Variants in ACY1 observed in about 807,000 individuals in gnomAD.
ACY1 encodes the protein aminoacylase 1, also known as aminoacylase-1.
A neutral mutation model predicts 53.3 loss-of-function variants in ACY1; 38 were observed. The ratio of observed to expected loss-of-function variants is 0.71; its 90% confidence interval spans 0.55 to 0.93. The LOEUF (loss-of-function observed/expected upper bound fraction) is 0.93. Ranked by LOEUF, ACY1 falls within the 40% of genes least tolerant of loss-of-function variation. The pLI is 0.00. For missense variants in ACY1, 484 were observed against 540.9 expected, an observed-to-expected ratio of 0.89 and a Z score of 1.04; for synonymous variants, 177 against 202.1, an observed-to-expected ratio of 0.88 and a Z score of 1.05.
At chr3:51,986,107 A>G (rs1701046738) in intron 5 of ACY1, 148 bp from the exon 6 acceptor site, 7 of 1,080,238 alleles carry the variant, frequency 6.5e-6, no homozygotes, top group Non-Finnish European at 9.7e-6. Context: ...GGAGATTCAG[A>G]CCAGAGAGGG....
At chr3:51,985,172 G>A in intron 2 of ACY1, 35 bp from the exon 3 acceptor site, 1 of 1,582,264 alleles carries the variant, frequency 6.3e-7, no homozygotes, top group African/African-American at 1.3e-5. Context: ...GCTGTGGGTA[G>A]GCAGAAGCAG....
Position 51,988,535 on chromosome 3 carries a change from C to T in ACY1, c.933C>T (p.His311=), listed in dbSNP as rs199526655. Residue 311 remains histidine, a synonymous_variant, in exon 13 of 15, where the codon CAC becomes CAT. Transcript: ENST00000636358. ...VTLEFAQKWM[H]PQVTPTDDSN... is the part of the protein sequence containing the mutation. ...TTCCTGTCCCTCAGAAGTGGATGCA[C>T]CCCCAAGTGACACCTACTGATGACT... 6.2e-7 allele frequency: 1 copy of T among 1,614,058 alleles called. No individual in the cohort carries two copies. The highest frequency in any genetic ancestry group is 8.5e-7 in the Non-Finnish European group (1 of 1,179,954).
chr3:51,986,452 C>T lies in ACY1; in HGVS notation c.474C>T (p.Phe158=), dbSNP rs745793135. ...GGGGTCACCAAGGCATGGAGCTGTTCGTGCAGCGGCCTGAGTTCCACGCCC... is the reference window on the plus strand; with the variant it reads ...GGGGTCACCAAGGCATGGAGCTGTTTGTGCAGCGGCCTGAGTTCCACGCCC... ...EVGGHQGMEL[F]VQRPEFHALR... The change falls in exon 7 of 15, where the codon TTC becomes TTT. Residue 158 remains phenylalanine, a synonymous_variant. Coordinates refer to ENST00000636358, the MANE Select transcript of ACY1 (RefSeq NM_000666.3). 6.2e-6 allele frequency: 10 copies of T among 1,613,182 alleles called. No individual in the cohort carries two copies. The highest frequency in any genetic ancestry group is 1.7e-4 in the Middle Eastern group (1 of 6,022).
Position 51,985,366 on chromosome 3 carries a change from A to G in ACY1, c.165A>G (p.Ala55=). 6.2e-7 allele frequency: 1 copy of G among 1,614,100 alleles called. No individual in the cohort carries two copies. The highest frequency in any genetic ancestry group is 8.5e-7 in the Non-Finnish European group (1 of 1,179,998). ...ACCCTCCTGACCATCTCCAGGTGGC[A>G]CCTGGCTATGTGGTGACCGTGTTGA... The part of the protein sequence containing the change: ...LGLGCQKVEV[A]PGYVVTVLTW... The change falls in exon 4 of 15, where the codon GCA becomes GCG. Residue 55 remains alanine, a synonymous_variant. Transcript: ENST00000636358.
intron 1 of ACY1, 149 bp downstream of exon 1, chr3:51,983,738 G>T (rs1004137788): frequency 4.3e-6 from 2 of 461,358 alleles, no homozygotes; most frequent in Non-Finnish European, 7.9e-6. Context: ...ACAAGTCTGG[G>T]TTCAAACCTT....
chr3:51,986,295 CG>C lies in ACY1; in HGVS notation c.402del (p.Phe135SerfsTer7). 1 of 1,523,998 alleles carries C rather than the reference CG, an allele frequency of 6.6e-7. No individual in the cohort carries two copies. The highest frequency in any genetic ancestry group is 2.7e-5 in the East Asian group (1 of 36,644). 94.4% of individuals were successfully genotyped at this position (1,523,998 alleles called of 1,614,324 possible). ...AVRRLKVEGH[R>X]FPRTIHMTFV... is the part of the protein sequence containing the mutation. ...GAGGAGGCTGAAGGTGGAGGGCCAC[CG>C]GTTCCCCAGAACCATCCACATGACC... On this transcript the variant is annotated frameshift_variant, in exon 6 of 15. Transcript: ENST00000636358. LOFTEE classifies it high-confidence loss of function.
rs202206383 is a variant in ACY1, at chr3:51,985,385, G to T, written c.184G>T (p.Val62Leu). The change falls in exon 4 of 15, where the codon GTG becomes TTG. Residue 62 changes from valine to leucine, a missense_variant. Physicochemically the swap from Val to Leu is conservative, Grantham distance 32 (BLOSUM62 1). Transcript: ENST00000636358. ...VEVAPGYVVT[V>L]LTWPGTNPTL... ...GGTGGCACCTGGCTATGTGGTGACC[G>T]TGTTGACCTGGCCAGGCACCAACCC... 1 of 1,614,098 alleles carries T rather than the reference G, an allele frequency of 6.2e-7. No individual in the cohort carries two copies. The highest frequency in any genetic ancestry group is 1.1e-5 in the South Asian group (1 of 91,074).
Position 51,984,117 on chromosome 3 carries a change from A to G in ACY1, c.53A>G (p.Gln18Arg). 2 of 1,613,990 alleles carry G rather than the reference A, an allele frequency of 1.2e-6. No individual in the cohort carries two copies. Among genetic ancestry groups the G allele is most frequent in the Non-Finnish European group, 1.7e-6 (2 of 1,180,040 alleles). The change falls in exon 2 of 15, where the codon CAG becomes CGG. Residue 18 changes from glutamine (Q) to arginine (R), a missense_variant. Gln to Arg is a conservative substitution (Grantham distance 43). Transcript: ENST00000636358. Reference sequence around the variant, plus strand: ...CACCCATCGGTGACGCTCTTCCGCCAGTACCTGCGTATCCGCACTGTCCAG... The same window carrying G: ...CACCCATCGGTGACGCTCTTCCGCCGGTACCTGCGTATCCGCACTGTCCAG... Reference protein sequence around the residue: ...EEHPSVTLFRQYLRIRTVQPK... With the variant: ...EEHPSVTLFRRYLRIRTVQPK...
intron 2 of ACY1, 36 bp from the exon 3 acceptor site, chr3:51,985,171 A>G (rs1448228725): frequency 6.3e-7 from 1 of 1,581,158 alleles, no homozygotes; most frequent in African/African-American, 1.3e-5. Context: ...AGCTGTGGGT[A>G]GGCAGAAGCA....
chr3:51,988,547 AC>A lies in ACY1; in HGVS notation c.947del (p.Pro316LeufsTer19), dbSNP rs1356694011. The A allele has an allele frequency of 6.2e-7, 1 of 1,613,962 alleles. No homozygotes were observed. The highest frequency in any genetic ancestry group is 1.3e-5 in the African/African-American group (1 of 74,892). ...AGAAGTGGATGCACCCCCAAGTGAC[AC>A]CTACTGATGACTCAAACCCTTGGTG... Reference protein sequence around the residue: ...AQKWMHPQVTPTDDSNPWWAA... With the variant: ...AQKWMHPQVTXTDDSNPWWAA... On this transcript the variant is annotated frameshift_variant, in exon 13 of 15. Coordinates refer to ENST00000636358, the MANE Select transcript of ACY1 (RefSeq NM_000666.3). LOFTEE classifies it high-confidence loss of function.
Position 51,987,438 on chromosome 3 carries a change from G to A in ACY1, c.837G>A (p.Pro279=), listed in dbSNP as rs771901106. 13 of 1,614,006 alleles carry A rather than the reference G, an allele frequency of 8.1e-6. No individual in the cohort carries two copies. Among genetic ancestry groups the A allele is most frequent in the Admixed American group, 5.0e-5 (3 of 59,990 alleles). The change falls in exon 11 of 15, where the codon CCG becomes CCA. Residue 279 remains proline, a synonymous_variant. Transcript: ENST00000636358. ...MSASFDFRVA[P]DVDFKAFEEQ... ...CCAGCTTTGACTTCCGTGTGGCACC[G>A]GATGTGGACTTCAAGGTGCCACCTC...
Position 51,985,485 on chromosome 3 carries a change from G to A in ACY1, c.264+20G>A. 1 of 1,611,194 alleles carries A rather than the reference G, an allele frequency of 6.2e-7. No homozygotes were observed. The highest frequency in any genetic ancestry group is 1.3e-5 in the African/African-American group (1 of 74,982). On this transcript the variant is annotated intron_variant, in intron 4 of 14. Coordinates refer to ENST00000636358, the MANE Select transcript of ACY1 (RefSeq NM_000666.3). Reference sequence around the variant, plus strand: ...TTCAAGGTGTGTAAGGGGCTGGGGAGGTGGGCAGTGCAGGCCTTGGGGACA... The same window carrying A: ...TTCAAGGTGTGTAAGGGGCTGGGGAAGTGGGCAGTGCAGGCCTTGGGGACA...
chr3:51,985,353 A>G lies in ACY1; in HGVS notation c.160-8A>G, dbSNP rs746978536. On this transcript the variant is annotated splice_region_variant and splice_polypyrimidine_tract_variant and intron_variant, in intron 3 of 14. Coordinates refer to ENST00000636358, the MANE Select transcript of ACY1 (RefSeq NM_000666.3). ...GCTCAGACCACCTACCCTCCTGACC[A>G]TCTCCAGGTGGCACCTGGCTATGTG... 1.2e-6 allele frequency: 2 copies of G among 1,614,164 alleles called. No homozygotes were observed. Among genetic ancestry groups the G allele is most frequent in the Admixed American group, 3.3e-5 (2 of 60,024 alleles).
intron 2 of ACY1, chr3:51,984,419 G>A (rs1239042628): frequency 3.7e-6 from 2 of 547,750 alleles, no homozygotes; most frequent in African/African-American, 3.8e-5. Context: ...TCACTCTCCA[G>A]GGCAGGAGTG....
chr3:51,983,975 G>GA (rs1700971241), intron 1 of ACY1, 72 bp from the exon 2 acceptor site: 3 of 1,149,318 alleles, frequency 2.6e-6, no homozygotes, highest in Non-Finnish European at 3.9e-6. Flanking sequence ...CCGCCGTGGG[G>GA]ACAGGCTGTG....
In ACY1 at chr3:51,988,554, G is replaced by A; in HGVS notation, c.952G>A (p.Asp318Asn). 4 of 1,614,172 alleles carry A rather than the reference G, an allele frequency of 2.5e-6. No individual in the cohort carries two copies. Among genetic ancestry groups the A allele is most frequent in the Non-Finnish European group, 2.5e-6 (3 of 1,180,024 alleles). ...KWMHPQVTPT[D>N]DSNPWWAAFS... ...GATGCACCCCCAAGTGACACCTACT[G>A]ATGACTCAAACCCTTGGTGGGCAGC... The change falls in exon 13 of 15, where the codon GAT becomes AAT. Residue 318 changes from aspartate to asparagine, a missense_variant. By Grantham distance (23) the Asp-to-Asn change is conservative (BLOSUM62 1). Transcript: ENST00000636358.
At position 51,985,402 on chromosome 3, in the gene ACY1, C is replaced by T; in HGVS notation, c.201C>T (p.Gly67=). 1.2e-6 allele frequency: 2 copies of T among 1,614,114 alleles called. No homozygotes were observed. The highest frequency in any genetic ancestry group is 1.7e-6 in the Non-Finnish European group (2 of 1,180,030). ...TGGTGACCGTGTTGACCTGGCCAGG[C>T]ACCAACCCTACACTCTCCTCCATCT... ...GYVVTVLTWP[G]TNPTLSSILL... Residue 67 remains glycine, a synonymous_variant, in exon 4 of 15, where the codon GGC becomes GGT. Transcript: ENST00000636358.
intron 8 of ACY1, 22 bp from the exon 9 acceptor site, chr3:51,986,966 C>A: frequency 1.2e-6 from 2 of 1,610,862 alleles, no homozygotes; most frequent in Non-Finnish European, 1.7e-6. Flanking sequence ...GAAGACACTG[C>A]CTTCCCCCTA....
intron 13 of ACY1, 21 bp from the exon 14 acceptor site, chr3:51,988,745 A>G (rs774500165): frequency 6.2e-7 from 1 of 1,611,442 alleles, no homozygotes; most frequent in South Asian, 1.1e-5. Context: ...CTCCCCATTC[A>G]TCAGGCTCTT....
Sources: allele counts gnomAD v4.1 joint callset, GRCh38; gene constraint gnomAD v4.1.1; transcripts MANE v1.5; gene names NCBI Gene and HGNC (gene_info 2026-07-23, HGNC 2026-07-21).